The following PRICKLE2 variants were observed in gnomAD, a reference collection of about 807,000 sequenced individuals.
PRICKLE2 encodes the protein prickle planar cell polarity protein 2.
PRICKLE2 carries 21 observed loss-of-function variants against 81.4 expected under a neutral mutation model. The ratio of observed to expected loss-of-function variants is 0.26; its 90% CI spans 0.18 to 0.37. The LOEUF is 0.37. PRICKLE2 is among the 10% of genes least tolerant of loss of function. PRICKLE2 has a pLI of 1.00. For synonymous variants in PRICKLE2, 456 were observed against 421.5 expected (o/e 1.08, Z -1.00); for missense variants, 940 against 1,109.0 (o/e 0.85, Z 2.16).
At chr3:64,239,792 TTTTTC>T (rs766253644) in intron 2 of PRICKLE2, among the ~76,000 whole-genome samples, 94 of 152,094 alleles carry the variant, frequency 6.2e-4, no homozygotes, top group Non-Finnish European at 9.4e-4. Flanking sequence ...ATCGATTTCC[TTTTTC>T]TTTTATTTAT....
At chr3:64,185,173 A>G (rs2078201951) in intron 2 of PRICKLE2, among the ~76,000 whole-genome samples, 1 of 152,116 alleles carries the variant, frequency 6.6e-6, no homozygotes, top group African/African-American at 2.4e-5. Context: ...CCTTCTCACC[A>G]AACACTGGAT....
chr3:64,210,505 G>A (rs1326720064), intron 1 of PRICKLE2, among the ~76,000 whole-genome samples: 1 of 152,124 alleles, frequency 6.6e-6, no homozygotes, highest in Non-Finnish European at 1.5e-5. Context: ...CACACTGCCT[G>A]GTCCTATCCA....
At chr3:64,181,532 T>A (rs748161929) in intron 2 of PRICKLE2, among the ~76,000 whole-genome samples, 1 of 152,186 alleles carries the variant, frequency 6.6e-6, no homozygotes, top group Non-Finnish European at 1.5e-5. Flanking sequence ...GCCTATAGCA[T>A]GCTTTCCCCT....
At chr3:64,261,897 T>A (rs1575727443) in intron 2 of PRICKLE2, among the ~76,000 whole-genome samples, 1 of 152,196 alleles carries the variant, frequency 6.6e-6, no homozygotes. Context: ...TGTTATGATG[T>A]GATTTAAGCT....
intron 2 of PRICKLE2, among the ~76,000 whole-genome samples, chr3:64,188,942 C>A: frequency 6.6e-6 from 1 of 152,170 alleles, no homozygotes; most frequent in Non-Finnish European, 1.5e-5. Flanking sequence ...TAATAGACGT[C>A]GGTCTCTGAA....
At chr3:64,225,751 G>A (rs1481474526), upstream of PRICKLE2, among the ~76,000 whole-genome samples, 1 of 152,054 alleles carries the variant, frequency 6.6e-6, no homozygotes, top group Non-Finnish European at 1.5e-5. Flanking sequence ...GCTCTTAGGT[G>A]CCAAGGTTCA....
chr3:64,205,254 A>G (rs1399319636), intron 1 of PRICKLE2, among the ~76,000 whole-genome samples: 1 of 152,114 alleles, frequency 6.6e-6, no homozygotes, highest in Non-Finnish European at 1.5e-5. Flanking sequence ...CTACCCCAAA[A>G]CAACCTCTGC....
chr3:64,188,135 T>G (rs1259817171), intron 2 of PRICKLE2, among the ~76,000 whole-genome samples: 2 of 152,230 alleles, frequency 1.3e-5, no homozygotes, highest in Non-Finnish European at 2.9e-5. Flanking sequence ...GAGATTCAAA[T>G]AATGATTCTG....
intron 2 of PRICKLE2, among the ~76,000 whole-genome samples, chr3:64,179,856 T>A (rs1193108913): frequency 1.3e-5 from 2 of 152,304 alleles, no homozygotes; most frequent in Non-Finnish European, 1.5e-5. Context: ...GATTTAAATT[T>A]AGGTCTGACT....
At chr3:64,106,782 GCTCAAGCA>G (rs557535559) in intron 7 of PRICKLE2, among the ~76,000 whole-genome samples, 395 of 152,314 alleles carry the variant, frequency 2.6e-3, no homozygotes, top group African/African-American at 8.9e-3. Context: ...GTGTGTGCGT[GCTCAAGCA>G]CATGTGTGAT....
chr3:64,243,473 T>A (rs2079298857), intron 2 of PRICKLE2, among the ~76,000 whole-genome samples: 1 of 152,178 alleles, frequency 6.6e-6, no homozygotes, highest in Admixed American at 6.5e-5. Flanking sequence ...ATTTTAGAAA[T>A]CCTATCTTGT....
rs1485135037 is a variant in PRICKLE2, at chr3:64,224,944, A to T, written c.-75T>A. The T allele has an allele frequency of 1.0e-6, 1 of 985,322 alleles. No individual in the cohort carries two copies. Among genetic ancestry groups the T allele is most frequent in the Non-Finnish European group, 1.2e-6 (1 of 829,906 alleles). 61.0% of individuals were successfully genotyped at this position (985,322 alleles called of 1,614,324 possible). On this transcript the variant is annotated 5_prime_UTR_variant, in exon 1 of 8. Coordinates refer to ENST00000638394, the MANE Select transcript of PRICKLE2 (RefSeq NM_198859.4). ...GGATGAAATGCCCAGTCTCGGAGGAAGCTTCTGCCAGACCCTTGGAGCTTG... is the reference window on the plus strand; with the variant it reads ...GGATGAAATGCCCAGTCTCGGAGGATGCTTCTGCCAGACCCTTGGAGCTTG...
At chr3:64,118,029 G>A (rs1237792461) in intron 7 of PRICKLE2, among the ~76,000 whole-genome samples, 1 of 152,024 alleles carries the variant, frequency 6.6e-6, no homozygotes, top group Non-Finnish European at 1.5e-5. Flanking sequence ...AACAGAATAG[G>A]AAACACAGAA....
At chr3:64,125,996 C>T (rs1171882929) in intron 7 of PRICKLE2, among the ~76,000 whole-genome samples, 1 of 151,776 alleles carries the variant, frequency 6.6e-6, no homozygotes, top group Non-Finnish European at 1.5e-5. Context: ...TCAGCATATG[C>T]CTAACAACAA....
chr3:64,186,993 C>T (rs2078245750), intron 2 of PRICKLE2, among the ~76,000 whole-genome samples: 1 of 152,226 alleles, frequency 6.6e-6, no homozygotes, highest in Non-Finnish European at 1.5e-5. Flanking sequence ...AGTGAATTTA[C>T]TGTAAAGGTT....
rs560387765 is a variant in PRICKLE2, at chr3:64,261,958, T to C, written c.129-62991A>G. On this transcript the variant is annotated intron_variant, in intron 2 of 8. Coordinates refer to the PRICKLE2 transcript ENST00000295902. ...GTTGTCAAGTAATCAAGGTGAAAAA[T>C]GATGGCAGCATGGACTAAAGTTGGA... Among the ~76,000 whole-genome samples the C allele has an allele frequency of 3.9e-5, 6 of 152,250 alleles. No individual in the cohort carries two copies. The South Asian group carries it at 1.2e-3, about 32-fold the overall frequency.
chr3:64,208,023 C>T (rs573755543), intron 1 of PRICKLE2, among the ~76,000 whole-genome samples: 2 of 152,320 alleles, frequency 1.3e-5, no homozygotes, highest in African/African-American at 2.4e-5. Context: ...TCTTCACATG[C>T]ACGCACAACA....
intron 2 of PRICKLE2, among the ~76,000 whole-genome samples, chr3:64,236,812 G>A (rs1295117494): frequency 6.6e-6 from 1 of 152,238 alleles, no homozygotes; most frequent in African/African-American, 2.4e-5. Flanking sequence ...CATGAATGAC[G>A]GTGACAATTG....
At chr3:64,243,718 T>C (rs750592520) in intron 2 of PRICKLE2, among the ~76,000 whole-genome samples, 1 of 152,198 alleles carries the variant, frequency 6.6e-6, no homozygotes, top group Non-Finnish European at 1.5e-5. Context: ...GCTATAATAA[T>C]GTCAGTTATG....
Sources: gnomAD v4.1 joint callset for allele counts (sites outside exome capture counted in the v4.1 genomes callset) on GRCh38, gnomAD v4.1.1 for gene constraint, MANE v1.5 for transcripts, NCBI Gene and HGNC (gene_info 2026-07-23, HGNC 2026-07-21) for gene names.